The following CYB5R1 variants were observed in gnomAD, a reference collection of about 807,000 sequenced individuals.
CYB5R1 encodes NADH-cytochrome b5 reductase 1.
In CYB5R1, 32 loss-of-function variants were observed where a neutral mutation model predicts 37.4. The ratio of observed to expected loss-of-function variants is 0.86; its 90% CI spans 0.65 to 1.15. The LOEUF (loss-of-function observed/expected upper bound fraction) is 1.15. CYB5R1 is among the 50% of genes most tolerant of loss of function. The pLI is 0.00. For missense variants in CYB5R1, 345 were observed against 382.5 expected (o/e 0.90, Z 0.82); for synonymous variants, 159 against 155.2 (o/e 1.02, Z -0.18).
At chr1:202,964,010 T>A (rs1045055579) in intron 6 of CYB5R1, 2 of 313,028 alleles carry the variant, frequency 6.4e-6, no homozygotes, top group African/African-American at 4.3e-5. Context: ...GTGTCACAAA[T>A]GACTACAAGT....
In CYB5R1 at chr1:202,963,115, G is replaced by A. The variant is rs1157478201; in HGVS notation, c.696C>T (p.Arg232=). 1.9e-6 allele frequency: 3 copies of A among 1,614,228 alleles called. No homozygotes were observed. The highest frequency in any genetic ancestry group is 1.6e-4 in the Middle Eastern group (1 of 6,062). The part of the protein sequence containing the change: ...LREDLEELQA[R]YPNRFKLWFT... ...ACCAGAGCTTAAAGCGATTGGGATA[G>A]CGGGCCTGCAGTTCCTCTAAGTCCT... The change falls in exon 8 of 9, where the codon CGC becomes CGT. Residue 232 remains arginine, a synonymous_variant. Coordinates refer to ENST00000367249, the MANE Select transcript of CYB5R1 (RefSeq NM_016243.3).
At chr1:202,965,650 G>C in intron 4 of CYB5R1, 150 bp from the exon 5 acceptor site, 15 of 683,762 alleles carry the variant, frequency 2.2e-5, no homozygotes, top group Non-Finnish European at 3.1e-5. Context: ...TTTTTTTTTT[G>C]AGTCAGAGTT....
intron 3 of CYB5R1, 88 bp downstream of exon 3, chr1:202,966,440 G>A: frequency 6.8e-7 from 1 of 1,465,568 alleles, no homozygotes; most frequent in Non-Finnish European, 9.5e-7. Context: ...GAGCAAACCG[G>A]TTGAAGCAGC....
At position 202,964,702 on chromosome 1, in the gene CYB5R1, G is replaced by A. The variant is rs1458769369; in HGVS notation, c.476-7C>T. ...GGCTGAATGTTAAAATGCCCTGAGAGGTCAGGTGAAGAGAGCAGTGGAAGA... is the reference window on the plus strand; with the variant it reads ...GGCTGAATGTTAAAATGCCCTGAGAAGTCAGGTGAAGAGAGCAGTGGAAGA... On this transcript the variant is annotated splice_polypyrimidine_tract_variant and splice_region_variant and intron_variant, in intron 5 of 8. Coordinates refer to ENST00000367249, the MANE Select transcript of CYB5R1 (RefSeq NM_016243.3). 4 of 1,605,224 alleles carry A rather than the reference G, an allele frequency of 2.5e-6. No homozygotes were observed. The highest frequency in any genetic ancestry group is 2.7e-5 in the African/African-American group (2 of 74,714).
intron 3 of CYB5R1, 78 bp downstream of exon 3, chr1:202,966,450 C>A (rs895458365): frequency 1.1e-5 from 17 of 1,499,094 alleles, no homozygotes; most frequent in Non-Finnish European, 1.6e-5. Context: ...GTTGAAGCAG[C>A]GTGTTTCATG....
rs1032743189 is a variant in CYB5R1, at chr1:202,963,644, G to C, written c.643C>G (p.Gln215Glu). Residue 215 changes from glutamine (Q) to glutamate (E), a missense_variant and splice_region_variant, in exon 7 of 9, where the codon CAG (glutamine) becomes GAG (glutamate). Transcript: ENST00000367249. ...PTQCFLLFAN[Q>E]TEKDIILRED... ...AGGGTGGAGGAAAACAAACCAACCT[G>C]GTTGGCAAAAAGCAGAAAGCACTGG... The C allele has an allele frequency of 6.2e-6, 10 of 1,604,026 alleles. No individual in the cohort carries two copies. The highest frequency in any genetic ancestry group is 8.5e-6 in the Non-Finnish European group (10 of 1,174,168).
chr1:202,963,538 G>A, intron 7 of CYB5R1, 104 bp downstream of exon 7: 1 of 809,262 alleles, frequency 1.2e-6, no homozygotes, highest in Non-Finnish European at 2.0e-6. Flanking sequence ...CTTGGGCAGA[G>A]GCTAAAACAG....
chr1:202,965,176 T>TGGA, intron 5 of CYB5R1, 195 bp downstream of exon 5: 1 of 604,264 alleles, frequency 1.7e-6, no homozygotes, highest in Admixed American at 2.9e-5. Flanking sequence ...GGAATTCAAG[T>TGGA]GGAGGAGGAA....
rs777310324 is a variant in CYB5R1 at position 202,963,752 on chromosome 1, A to C, written c.560-25T>G. The C allele has an allele frequency of 1.1e-5, 17 of 1,558,912 alleles. No homozygotes were observed. The highest frequency in any genetic ancestry group is 1.2e-5 in the Non-Finnish European group (14 of 1,140,844). On this transcript the variant is annotated intron_variant, in intron 6 of 8. Transcript: ENST00000367249. The stretch of plus-strand genomic sequence containing the variant: ...CCTGCATGAAGATACCCCACAGTGA[A>C]ATGTAGTGGCCACACTCTCTGCCCT...
intron 3 of CYB5R1, 77 bp downstream of exon 3, chr1:202,966,451 G>C: frequency 6.7e-7 from 1 of 1,502,530 alleles, no homozygotes; most frequent in Non-Finnish European, 9.3e-7. Flanking sequence ...TTGAAGCAGC[G>C]TGTTTCATGA....
Position 202,963,080 on chromosome 1 carries a change from T to G in CYB5R1, c.731A>C (p.Asp244Ala), listed in dbSNP as rs895431831. ...GGGAAGGATACCTTTTGGGGGATGA[T>G]CCAGAGTGAACCAGAGCTTAAAGCG... ...PNRFKLWFTL[D>A]HPPKDWAYSK... The change falls in exon 8 of 9, where the codon GAT becomes GCT. Residue 244 changes from aspartate to alanine, a missense_variant. By Grantham distance (126) the Asp-to-Ala change is moderately radical. Coordinates refer to ENST00000367249, the MANE Select transcript of CYB5R1 (RefSeq NM_016243.3). The G allele has an allele frequency of 4.3e-6, 7 of 1,613,898 alleles. No individual in the cohort carries two copies. The African/African-American group carries it at 8.0e-5, about 18-fold the overall frequency.
intron 3 of CYB5R1, 118 bp downstream of exon 3, chr1:202,966,410 G>A (rs896869064): frequency 1.4e-5 from 17 of 1,192,414 alleles, no homozygotes; most frequent in Admixed American, 1.9e-5. Context: ...AGCCAAGTGG[G>A]GGAAGGGGAA....
chr1:202,965,056 T>G, intron 5 of CYB5R1: 1 of 409,944 alleles, frequency 2.4e-6, no homozygotes, highest in South Asian at 3.2e-5. Context: ...TGGGAAGGGC[T>G]GAAAGCTATC....
chr1:202,963,769 C>CT, intron 6 of CYB5R1, 42 bp from the exon 7 acceptor site: 9 of 1,445,328 alleles, frequency 6.2e-6, no homozygotes, highest in Non-Finnish European at 7.6e-6. Flanking sequence ...TGGCCACACT[C>CT]TCTGCCCTGT....
intron 5 of CYB5R1, 192 bp from the exon 6 acceptor site, chr1:202,964,887 C>A (rs1655055933): frequency 1.7e-6 from 1 of 601,594 alleles, no homozygotes; most frequent in Non-Finnish European, 3.0e-6. Flanking sequence ...GGGGCCAGGG[C>A]TATCTGTGAG....
intron 2 of CYB5R1, 51 bp from the exon 3 acceptor site, chr1:202,966,651 C>G (rs1405781322): frequency 5.0e-6 from 8 of 1,613,626 alleles, no homozygotes; most frequent in Non-Finnish European, 6.8e-6. Flanking sequence ...GGCGCTGCCA[C>G]GTCCCTTGGA....
chr1:202,963,299 T>C, intron 7 of CYB5R1, 134 bp from the exon 8 acceptor site: 1 of 647,640 alleles, frequency 1.5e-6, no homozygotes, highest in South Asian at 2.0e-5. Context: ...AAGCAAGACT[T>C]GCAGTGCTTT....
rs758853317 is a variant in CYB5R1 at position 202,965,999 on chromosome 1, G to C, written c.239-6C>G. On this transcript the variant is annotated splice_polypyrimidine_tract_variant and splice_region_variant and intron_variant, in intron 3 of 8. Transcript: ENST00000367249. Reference sequence around the variant, plus strand: ...GGAGAGGTAGATATGTTTGCCTGGGGACCGTGCAGAGAGCTACATAAGGGT... The same window carrying C: ...GGAGAGGTAGATATGTTTGCCTGGGCACCGTGCAGAGAGCTACATAAGGGT... The C allele has an allele frequency of 6.3e-7, 1 of 1,590,108 alleles. No homozygotes were observed. Among genetic ancestry groups the C allele is most frequent in the Non-Finnish European group, 8.6e-7 (1 of 1,158,358 alleles).
At position 202,966,865 on chromosome 1, in the gene CYB5R1, G is replaced by C. The variant is rs745797180; in HGVS notation, c.49C>G (p.Leu17Val). The C allele has an allele frequency of 3.1e-5, 50 of 1,613,298 alleles. No individual in the cohort carries two copies. The highest frequency in any genetic ancestry group is 1.1e-4 in the South Asian group (10 of 91,016). Residue 17 changes from leucine (L) to valine (V), a missense_variant, in exon 2 of 9, where the codon CTG becomes GTG. By Grantham distance (32) the Leu-to-Val change is conservative (BLOSUM62 1). Transcript: ENST00000367249. ...PVLLASLGVG[L>V]VTLLGLAVGS... is the part of the protein sequence containing the mutation. The stretch of plus-strand genomic sequence containing the variant: ...ACAGCCAGGCCGAGCAGAGTGACCA[G>C]CCCCACCCCCAGGGAGGCCAGCAGG...
Sources: allele counts gnomAD v4.1 joint callset, GRCh38; gene constraint gnomAD v4.1.1; transcripts MANE v1.5; gene names NCBI Gene and HGNC (gene_info 2026-07-23, HGNC 2026-07-21).